Variants in FOXP2 observed in about 807,000 individuals in gnomAD.
FOXP2 encodes the protein forkhead box protein P2.
A neutral mutation model predicts 115.8 loss-of-function variants in FOXP2; 12 were observed. The ratio of observed to expected loss-of-function variants is 0.10; its 90% CI spans 0.07 to 0.17. The LOEUF (loss-of-function observed/expected upper bound fraction) is 0.17. FOXP2 is among the 10% of genes least tolerant of loss of function. The pLI, the probability that FOXP2 is intolerant of heterozygous loss-of-function variation, is 1.00. For missense variants in FOXP2, 629 were observed against 843.5 expected, an observed-to-expected ratio of 0.75 and a Z score of 3.15; for synonymous variants, 328 against 297.7, an observed-to-expected ratio of 1.10 and a Z score of -1.05.
At chr7:114,398,555 T>G (rs1792801307) in intron 2 of FOXP2, among the ~76,000 whole-genome samples, 1 of 152,234 alleles carries the variant, frequency 6.6e-6, no homozygotes, top group Admixed American at 6.5e-5. Flanking sequence ...AGAAAACATT[T>G]AAATTCGGTA....
intron 8 of FOXP2, chr7:114,645,035 T>C: frequency 2.9e-6 from 1 of 343,696 alleles, no homozygotes. Context: ...CAATAATATG[T>C]CATTAATCAC....
intron 2 of FOXP2, among the ~76,000 whole-genome samples, chr7:114,351,717 G>A (rs1791494780): frequency 6.6e-6 from 1 of 151,932 alleles, no homozygotes; most frequent in Non-Finnish European, 1.5e-5. Context: ...AATGTTAATG[G>A]CACAATGGAA....
intron 1 of FOXP2, among the ~76,000 whole-genome samples, chr7:114,248,202 G>GAGAC (rs1320996735): frequency 2.0e-5 from 3 of 151,582 alleles, no homozygotes; most frequent in Admixed American, 6.6e-5. Flanking sequence ...GAGAGAGAGA[G>GAGAC]AGAGAGAGAG....
chr7:114,467,780 T>A (rs191288753), intron 2 of FOXP2, among the ~76,000 whole-genome samples: 1 of 152,324 alleles, frequency 6.6e-6, no homozygotes, highest in Non-Finnish European at 1.5e-5. Flanking sequence ...AATATTGTCA[T>A]TTTTGAAAAG....
chr7:114,385,092 T>G (rs1324908203), intron 2 of FOXP2, among the ~76,000 whole-genome samples: 2 of 151,502 alleles, frequency 1.3e-5, no homozygotes, highest in Non-Finnish European at 2.9e-5. Flanking sequence ...CATTACAAAC[T>G]CGGGGCCCTG....
chr7:114,261,245 C>G (rs1795742694), intron 1 of FOXP2, among the ~76,000 whole-genome samples: 2 of 152,148 alleles, frequency 1.3e-5, no homozygotes, highest in Non-Finnish European at 2.9e-5. Flanking sequence ...CCCATGGCAA[C>G]AATAACTTTC....
chr7:114,318,710 C>CATATATATATATATATATATATATATAT (rs144291161), intron 2 of FOXP2, among the ~76,000 whole-genome samples: 2 of 147,418 alleles, frequency 1.4e-5, no homozygotes, highest in African/African-American at 5.0e-5. Context: ...TTAGATAATT[C>CATATATATATATATATATATATATATAT]ATATATATAT....
intron 3 of FOXP2, among the ~76,000 whole-genome samples, chr7:114,546,810 C>T (rs918804795): frequency 3.3e-5 from 5 of 152,168 alleles, no homozygotes; most frequent in African/African-American, 4.8e-5. Context: ...CTAGCTCAAT[C>T]GCAGACTCTA....
intron 2 of FOXP2, among the ~76,000 whole-genome samples, chr7:114,319,338 C>G (rs1159716409): frequency 1.3e-5 from 2 of 152,134 alleles, no homozygotes; most frequent in Non-Finnish European, 2.9e-5. Flanking sequence ...ATAGAAGGCA[C>G]AAATTAAAAA....
At chr7:114,275,354 CTTTA>C (rs1221250649) in intron 1 of FOXP2, among the ~76,000 whole-genome samples, 2 of 152,048 alleles carry the variant, frequency 1.3e-5, no homozygotes, top group African/African-American at 4.8e-5. Context: ...TTTCTTTAAT[CTTTA>C]TTCTCTTTGC....
At chr7:114,617,722 G>A (rs778656030) in intron 3 of FOXP2, among the ~76,000 whole-genome samples, 12 of 152,210 alleles carry the variant, frequency 7.9e-5, no homozygotes, top group Non-Finnish European at 1.8e-4. Context: ...GAACCTGGGA[G>A]GTGGAGGTTG....
At chr7:114,291,960 A>AATATATATTACAGATAATATATAGAAT (rs1796611755) in intron 2 of FOXP2, among the ~76,000 whole-genome samples, 2 of 53,084 alleles carry the variant, frequency 3.8e-5, no homozygotes, top group Non-Finnish European at 5.2e-5. Flanking sequence ...TAATATATAG[A>AATATATATTACAGATAATATATAGAAT]ATATATATTA....
In FOXP2 at chr7:114,380,054, T is replaced by C. The variant is rs189448929; in HGVS notation, c.-10-46448T>C. ...GGGGTCCTTCTATAAGCATTTCTAA[T>C]GGAGGGTCCTGCCTTGCGGGTCATT... On this transcript the variant is annotated intron_variant, in intron 2 of 17. Coordinates refer to the FOXP2 transcript ENST00000634411. Among the ~76,000 whole-genome samples the C allele has an allele frequency of 3.3e-5, 5 of 152,298 alleles. No individual in the cohort carries two copies. The South Asian group carries it at 1.0e-3, about 32-fold the overall frequency.
chr7:114,381,200 A>C (rs1486343437), intron 2 of FOXP2, among the ~76,000 whole-genome samples: 1 of 152,214 alleles, frequency 6.6e-6, no homozygotes, highest in Non-Finnish European at 1.5e-5. Context: ...AAGCCAGTAT[A>C]GGTTAGATAC....
intron 1 of FOXP2, among the ~76,000 whole-genome samples, chr7:114,125,953 GA>G (rs1423793818): frequency 2.0e-5 from 3 of 152,242 alleles, no homozygotes; most frequent in African/African-American, 7.2e-5. Context: ...AATGTAAGAT[GA>G]AATAACAGTT....
chr7:114,220,868 A>G (rs936508985), intron 1 of FOXP2, among the ~76,000 whole-genome samples: 3 of 152,194 alleles, frequency 2.0e-5, no homozygotes, highest in African/African-American at 7.2e-5. Flanking sequence ...ACTCTTTTAG[A>G]CTAAAAGAAA....
rs898324743 is a variant in FOXP2 at position 114,586,615 on chromosome 7, T to A, written c.259-41925T>A. On this transcript the variant is annotated intron_variant, in intron 3 of 16. Transcript: ENST00000350908. ...TATTTAATTTTTACAAATTAAAAAA[T>A]TTATTTTTAAAATAAATAAGGTGCT... 5.3e-5 allele frequency among the ~76,000 whole-genome samples: 8 copies of A among 152,188 alleles called. No individual in the cohort carries two copies. In the South Asian group the frequency reaches 6.2e-4, roughly 12 times the overall value.
At chr7:114,318,786 T>C (rs1797338449) in intron 2 of FOXP2, among the ~76,000 whole-genome samples, 2 of 151,834 alleles carry the variant, frequency 1.3e-5, no homozygotes, top group Admixed American at 1.3e-4. Flanking sequence ...TCAGAGCTAC[T>C]CATACATACA....
intron 8 of FOXP2, among the ~76,000 whole-genome samples, chr7:114,646,062 A>T (rs1366264987): frequency 7.0e-6 from 1 of 142,258 alleles, no homozygotes; most frequent in South Asian, 2.1e-4. Flanking sequence ...TTCTTCTCTA[A>T]AAAAAAAAAA....
Sources: gnomAD v4.1 joint callset for allele counts (sites outside exome capture counted in the v4.1 genomes callset) on GRCh38, gnomAD v4.1.1 for gene constraint, MANE v1.5 for transcripts, NCBI Gene and HGNC (gene_info 2026-07-23, HGNC 2026-07-21) for gene names.